Variants in DDB1 observed in about 807,000 individuals in gnomAD.
DDB1 encodes the protein damage specific DNA binding protein 1, also known as DNA damage-binding protein 1.
In DDB1, 18 loss-of-function variants were observed where a neutral mutation model predicts 133.1. The observed-to-expected ratio is 0.14, with a 90% CI of 0.09 to 0.20. DDB1 has a LOEUF of 0.20. DDB1 is among the 10% of genes least tolerant of loss of function. The pLI is 1.00. For missense variants in DDB1, 828 were observed against 1,459.2 expected (o/e 0.57, Z 7.05); for synonymous variants, 580 against 550.5 (o/e 1.05, Z -0.75).
intron 7 of DDB1, chr11:61,323,488 T>C: frequency 3.9e-6 from 1 of 253,606 alleles, no homozygotes; most frequent in Non-Finnish European, 7.8e-6. Context: ...GCTCACTGAC[T>C]GCAACATCGA....
intron 10 of DDB1, among the ~76,000 whole-genome samples, chr11:61,316,995 A>ATATATATATATATATATG (rs1856095673): frequency 2.1e-5 from 2 of 94,106 alleles, no homozygotes; most frequent in Non-Finnish European, 4.9e-5. Flanking sequence ...ATATATATAT[A>ATATATATATATATATATG]TATAGACATG....
Position 61,300,978 on chromosome 11 carries a change from C to T in DDB1, c.3216-46G>A, listed in dbSNP as rs137861919. ...ACACGTGCTTATCAGGAAACACCCT[C>T]CTCAGTCATCCCCACCTTTGAATAA... On this transcript the variant is annotated intron_variant, in intron 25 of 26. Coordinates refer to ENST00000301764, the MANE Select transcript of DDB1 (RefSeq NM_001923.5). 2.6e-4 allele frequency: 411 copies of T among 1,609,614 alleles called. 2 individuals carry two copies. The Middle Eastern group carries it at 0.011, about 41-fold the overall frequency.
intron 10 of DDB1, among the ~76,000 whole-genome samples, chr11:61,320,674 G>A (rs558398185): frequency 7.2e-5 from 11 of 152,132 alleles, no homozygotes; most frequent in South Asian, 4.2e-4. Flanking sequence ...ACAGTCACAC[G>A]CCACTGCACC....
In DDB1 at chr11:61,302,474, C is replaced by T. The variant is rs968985019; in HGVS notation, c.3112+108G>A. 15 of 1,575,136 alleles carry T rather than the reference C, an allele frequency of 9.5e-6. No individual in the cohort carries two copies. The Admixed American group carries it at 2.0e-4, about 21-fold the overall frequency. Reference sequence around the variant, plus strand: ...AGGGAGGGCTAATGTGCTGCAGCCTCCTCTAGTAAACACCTAGGTCTTGTA... The same window carrying T: ...AGGGAGGGCTAATGTGCTGCAGCCTTCTCTAGTAAACACCTAGGTCTTGTA... On this transcript the variant is annotated intron_variant, in intron 24 of 26. Transcript: ENST00000301764.
chr11:61,309,355 C>G (rs1195938199), intron 20 of DDB1, among the ~76,000 whole-genome samples: 1 of 152,172 alleles, frequency 6.6e-6, no homozygotes, highest in East Asian at 1.9e-4. Flanking sequence ...TTTCAGCTAT[C>G]TGATCTGAGA....
chr11:61,326,259 G>A (rs1366681200), intron 5 of DDB1: 2 of 218,134 alleles, frequency 9.2e-6, no homozygotes. Flanking sequence ...CTCTGGCCCT[G>A]TTTCTTCATC....
intron 15 of DDB1, 43 bp downstream of exon 15, chr11:61,313,819 C>G: frequency 6.2e-7 from 1 of 1,608,730 alleles, no homozygotes; most frequent in Non-Finnish European, 8.5e-7. Flanking sequence ...AATTCTAATA[C>G]TCTATTTTTG....
In DDB1 at chr11:61,316,298, T is replaced by C. The variant is rs757298008; in HGVS notation, c.1397A>G (p.Gln466Arg). 1.2e-5 allele frequency: 19 copies of C among 1,614,102 alleles called. No individual in the cohort carries two copies. The highest frequency in any genetic ancestry group is 1.4e-5 in the Non-Finnish European group (16 of 1,180,034). The change falls in exon 12 of 27, where the codon CAG becomes CGG. Residue 466 changes from glutamine (Q) to arginine (R), a missense_variant. Transcript: ENST00000301764. ...QTFFCGNVAH[Q>R]QLIQITSASV... is the part of the protein sequence containing the mutation. ...CTCAGTTATCACCTGGATAAGCTGC[T>C]GATGAGCCACGTTGCCACAGAAGAA...
At chr11:61,301,767 G>A (rs1855799639) in intron 25 of DDB1, 1 of 152,836 alleles carries the variant, frequency 6.5e-6, no homozygotes, top group Non-Finnish European at 1.5e-5. Context: ...GGGCGGGGAG[G>A]GCCCTTTATA....
intron 26 of DDB1, 124 bp downstream of exon 26, chr11:61,300,685 G>A: frequency 6.9e-7 from 1 of 1,449,656 alleles, no homozygotes; most frequent in Non-Finnish European, 9.4e-7. Flanking sequence ...CATCTGGTAA[G>A]GATTACACAG....
chr11:61,320,884 CTCTT>C (rs1856166752), intron 10 of DDB1, among the ~76,000 whole-genome samples: 1 of 151,152 alleles, frequency 6.6e-6, no homozygotes, highest in South Asian at 2.1e-4. Context: ...TGTGTAGCCT[CTCTT>C]TTTTTTTTTT....
At chr11:61,325,852 G>A (rs1856260948) in intron 5 of DDB1, 144 bp from the exon 6 acceptor site, 16 of 717,894 alleles carry the variant, frequency 2.2e-5, no homozygotes, top group South Asian at 2.1e-4. Flanking sequence ...CAGGGAACAT[G>A]ATAGCCTTTA....
intron 7 of DDB1, chr11:61,323,348 GCCTAA>G (rs1217887604): frequency 2.1e-6 from 1 of 485,450 alleles, no homozygotes; most frequent in Non-Finnish European, 3.7e-6. Context: ...AAAAGATACT[GCCTAA>G]GTATTAATAT....
Position 61,324,018 on chromosome 11 carries a change from G to C in DDB1, c.882C>G (p.Thr294=). 6.2e-7 allele frequency: 1 copy of C among 1,613,634 alleles called. No individual in the cohort carries two copies. Among genetic ancestry groups the C allele is most frequent in the South Asian group, 1.1e-5 (1 of 91,048 alleles). ...CTACACGGAGATCCTTGAGAGTGAC[G>C]GTGCCATCCATCTGTTCCTCCTTCT... ...LLEKEEQMDG[T]VTLKDLRVEL... is the part of the protein sequence containing the mutation. Residue 294 remains threonine, a synonymous_variant, in exon 7 of 27, where the codon ACC becomes ACG. Coordinates refer to ENST00000301764, the MANE Select transcript of DDB1 (RefSeq NM_001923.5).
Position 61,310,374 on chromosome 11 carries a change from G to C in DDB1, c.2322C>G (p.Ser774Arg). The stretch of plus-strand genomic sequence containing the variant: ...CAAAGGAGGTCTCATGAGGAGCAGT[G>C]CTGCTGGAGAACAGCTTGCTGGAGC... ...SVSSSKLFSSSTAPHETSFGE... is the reference protein window; with the variant it reads ...SVSSSKLFSSRTAPHETSFGE... The change falls in exon 19 of 27, where the codon AGC becomes AGG. Residue 774 changes from serine to arginine, a missense_variant. Around this residue, in one of 7 missense-constraint regions of DDB1, gnomAD observed 396 missense variants for 554.1 expected, o/e 0.71. Coordinates refer to ENST00000301764, the MANE Select transcript of DDB1 (RefSeq NM_001923.5). 6.2e-7 allele frequency: 1 copy of C among 1,613,274 alleles called. No individual in the cohort carries two copies. The highest frequency in any genetic ancestry group is 8.5e-7 in the Non-Finnish European group (1 of 1,179,722).
intron 10 of DDB1, 71 bp downstream of exon 10, chr11:61,321,524 C>T (rs1590695040): frequency 4.1e-6 from 6 of 1,446,984 alleles, no homozygotes; most frequent in Non-Finnish European, 5.8e-6. Flanking sequence ...CACCAAAACG[C>T]CTTCACAACA....
rs540361485 is a variant in DDB1, at chr11:61,318,997, G to A, written c.1226-2430C>T. 2.6e-5 allele frequency among the ~76,000 whole-genome samples: 4 copies of A among 152,348 alleles called. No individual in the cohort carries two copies. In the South Asian group the frequency reaches 8.3e-4, roughly 32 times the overall value. ...GAGGACCGCTTGAGCCTAGGAGTTT[G>A]AGACCAGCCTGGGCAACATAGGGAG... On this transcript the variant is annotated intron_variant, in intron 10 of 26. Transcript: ENST00000301764.
In DDB1 at chr11:61,303,700, C is replaced by CAAAA. The variant is rs59840297; in HGVS notation, c.2832+161_2832+164dup. Among the ~76,000 whole-genome samples the CAAAA allele has an allele frequency of 8.7e-3, 386 of 44,208 alleles. 25 individuals are homozygous for CAAAA. Among genetic ancestry groups the CAAAA allele is most frequent in the African/African-American group, 0.026 (368 of 13,912 alleles). The allele number at this position is 44,208 out of a possible 152,430, so 29.0% of individuals were successfully genotyped here. A position where few individuals can be genotyped will look rare whatever the true frequency, so the allele number is the denominator to read the frequency against. The stretch of plus-strand genomic sequence containing the variant: ...GCCTGGACAGAGCCAGACTGCGTCT[C>CAAAA]AAAAAAAAAAAAAAAAAAAAAAAAC... On this transcript the variant is annotated intron_variant, in intron 22 of 26. Transcript: ENST00000301764.
intron 16 of DDB1, 33 bp from the exon 17 acceptor site, chr11:61,312,117 G>A (rs750615334): frequency 6.2e-7 from 1 of 1,603,196 alleles, no homozygotes; most frequent in Non-Finnish European, 8.5e-7. Context: ...AGACTGAGGA[G>A]ACTCAAGGAA....
Sources: allele counts gnomAD v4.1 joint callset (sites outside exome capture counted in the v4.1 genomes callset), GRCh38; gene constraint gnomAD v4.1.1; regional missense constraint gnomAD v4.1.1; transcripts MANE v1.5; gene names NCBI Gene and HGNC (gene_info 2026-07-23, HGNC 2026-07-21).